ZNF143: variants seen among roughly 807,000 people sequenced by gnomAD.
The protein encoded by ZNF143 is SPH-binding factor.
ZNF143 carries 49 observed loss-of-function variants against 74.1 expected under a neutral mutation model. That is an observed-to-expected ratio of 0.66 (90% CI 0.53 to 0.84). The LOEUF is 0.84. ZNF143 is among the 40% of genes least tolerant of loss of function. The pLI is 0.00. For missense variants in ZNF143, 637 were observed against 793.4 expected (o/e 0.80, Z 2.37); for synonymous variants, 304 against 282.8 (o/e 1.07, Z -0.75).
intron 9 of ZNF143, among the ~76,000 whole-genome samples, chr11:9,496,895 G>A (rs1847978754): frequency 6.6e-6 from 1 of 151,838 alleles, no homozygotes. Context: ...ACTGCACCTG[G>A]CCTGCCTGCT....
At chr11:9,473,857 T>C in intron 3 of ZNF143, 84 bp from the exon 4 acceptor site, 2 of 1,611,510 alleles carry the variant, frequency 1.2e-6, no homozygotes, top group East Asian at 2.2e-5. Context: ...TGTGTATGTT[T>C]TTATAGTTGA....
intron 7 of ZNF143, among the ~76,000 whole-genome samples, chr11:9,489,421 C>G (rs916744774): frequency 6.6e-6 from 1 of 152,094 alleles, no homozygotes; most frequent in Admixed American, 6.6e-5. Context: ...ACCCTAAGTT[C>G]TTAAAGTCTC....
intron 9 of ZNF143, among the ~76,000 whole-genome samples, chr11:9,497,071 A>G (rs1207492736): frequency 1.3e-5 from 2 of 152,184 alleles, no homozygotes; most frequent in African/African-American, 4.8e-5. Flanking sequence ...GCTGACTTCC[A>G]TTCTTCATTC....
At chr11:9,502,374 C>T (rs1183463281) in intron 11 of ZNF143, among the ~76,000 whole-genome samples, 1 of 146,772 alleles carries the variant, frequency 6.8e-6, no homozygotes, top group African/African-American at 2.5e-5. Context: ...CTTTGGGAGG[C>T]CGAAGTGAGC....
chr11:9,499,758 A>G (rs1848091268), intron 10 of ZNF143, among the ~76,000 whole-genome samples: 1 of 152,186 alleles, frequency 6.6e-6, no homozygotes, highest in South Asian at 2.1e-4. Context: ...AAATATCTGT[A>G]TCTGTCTATA....
At chr11:9,464,548 C>T (rs561210087) in intron 1 of ZNF143, among the ~76,000 whole-genome samples, 1 of 151,104 alleles carries the variant, frequency 6.6e-6, no homozygotes, top group African/African-American at 2.4e-5. Flanking sequence ...TTGCAGTGAG[C>T]TGAGATTGCA....
At chr11:9,468,156 A>G (rs746696854) in intron 1 of ZNF143, among the ~76,000 whole-genome samples, 7 of 152,196 alleles carry the variant, frequency 4.6e-5, no homozygotes, top group South Asian at 2.1e-4. Context: ...CATGCTTACC[A>G]AACTGCTCTG....
chr11:9,493,758 G>A (rs987639873), intron 7 of ZNF143, among the ~76,000 whole-genome samples: 66 of 152,152 alleles, frequency 4.3e-4, no homozygotes, highest in African/African-American at 7.2e-5. Flanking sequence ...TCACAGAGTA[G>A]AAAGTCATTC....
intron 14 of ZNF143, among the ~76,000 whole-genome samples, chr11:9,520,025 ATTTTTTTTTTTT>A (rs954404348): frequency 1.1e-4 from 10 of 91,384 alleles, no homozygotes; most frequent in Admixed American, 1.3e-4. Context: ...GTTTCCACCA[ATTTTTTTTTTTT>A]TTTTTTTTTT....
At chr11:9,501,731 G>A (rs1291385269) in intron 11 of ZNF143, among the ~76,000 whole-genome samples, 1 of 151,978 alleles carries the variant, frequency 6.6e-6, no homozygotes, top group East Asian at 1.9e-4. Flanking sequence ...ATGGGGAAAG[G>A]CACAAAGGTA....
chr11:9,466,647 CCCAGGCTGGTCTTGAACT>C (rs777520460), intron 1 of ZNF143, among the ~76,000 whole-genome samples: 55 of 151,760 alleles, frequency 3.6e-4, no homozygotes, highest in African/African-American at 8.2e-4. Context: ...CACTGTGTTG[CCCAGGCTGGTCTTGAACT>C]CCTGGCCTCA....
chr11:9,489,453 G>A (rs1847686390), intron 7 of ZNF143, among the ~76,000 whole-genome samples: 1 of 152,076 alleles, frequency 6.6e-6, no homozygotes, highest in Non-Finnish European at 1.5e-5. Flanking sequence ...TTAAGAATGG[G>A]AGCAAAAACA....
At chr11:9,461,545 C>G (rs1427259468) in intron 1 of ZNF143, 1 of 152,178 alleles carries the variant, frequency 6.6e-6, no homozygotes, top group Non-Finnish European at 1.5e-5. Context: ...GGGGACAGGG[C>G]TGGCCCAGGC....
At position 9,484,605 on chromosome 11, in the gene ZNF143, G is replaced by A. The variant is rs1360843030; in HGVS notation, c.645+5059G>A. Among the ~76,000 whole-genome samples the A allele has an allele frequency of 2.2e-5, 3 of 135,492 alleles. No individual in the cohort carries two copies. The East Asian group carries it at 6.4e-4, about 29-fold the overall frequency. The allele number at this position is 135,492 out of a possible 152,430, so 88.9% of individuals were successfully genotyped here. On this transcript the variant is annotated intron_variant, in intron 7 of 15. Transcript: ENST00000396602. ...GTTATCTTAGGGGCAAAAGTTTGGT[G>A]TTTTTTTTTTTTTGTTTATTTTTTG...
intron 5 of ZNF143, among the ~76,000 whole-genome samples, chr11:9,477,161 T>C (rs1196865936): frequency 4.6e-4 from 60 of 131,664 alleles, no homozygotes; most frequent in African/African-American, 1.6e-3. Flanking sequence ...CTTCCTTCCT[T>C]CCTTCCTTCC....
intron 1 of ZNF143, among the ~76,000 whole-genome samples, chr11:9,468,529 A>G (rs1040298445): frequency 6.6e-6 from 1 of 152,206 alleles, no homozygotes; most frequent in African/African-American, 2.4e-5. Flanking sequence ...TTCTGCCCCA[A>G]TTAGAATTGG....
intron 1 of ZNF143, among the ~76,000 whole-genome samples, chr11:9,464,493 C>A (rs576686110): frequency 6.6e-6 from 1 of 151,720 alleles, no homozygotes; most frequent in East Asian, 1.9e-4. Context: ...CCCAGCTACT[C>A]GGGAGGCTGA....
chr11:9,504,673 C>CTTTT (rs869310966), intron 11 of ZNF143, among the ~76,000 whole-genome samples: 8 of 89,462 alleles, frequency 8.9e-5, no homozygotes, highest in African/African-American at 2.1e-4. Flanking sequence ...TTTCTTTTTT[C>CTTTT]TTTTTTTTTT....
At chr11:9,497,004 C>A (rs4910467) in intron 9 of ZNF143, among the ~76,000 whole-genome samples, 7,669 of 152,236 alleles carry the variant, frequency 0.05, 265 homozygotes, top group Non-Finnish European at 0.075. Flanking sequence ...TCAGGACAGG[C>A]CTTAGCAATG....
Sources: allele counts gnomAD v4.1 joint callset (sites outside exome capture counted in the v4.1 genomes callset), GRCh38; gene constraint gnomAD v4.1.1; transcripts MANE v1.5; gene names NCBI Gene and HGNC (gene_info 2026-07-23, HGNC 2026-07-21).